ENAH: variants seen among roughly 807,000 people sequenced by gnomAD.
The protein encoded by ENAH is ENAH actin regulator, also known as protein enabled homolog.
In ENAH, 23 loss-of-function variants were observed where a neutral mutation model predicts 78.7. The observed-to-expected ratio is 0.29, with a 90% CI of 0.21 to 0.41. The LOEUF is 0.41. Among genes scored for constraint, ENAH ranks in the 10% least tolerant of loss-of-function variants. ENAH has a pLI of 1.00. For synonymous variants in ENAH, 226 were observed against 241.0 expected (o/e 0.94, Z 0.58); for missense variants, 544 against 691.0 (o/e 0.79, Z 2.39).
intron 1 of ENAH, among the ~76,000 whole-genome samples, chr1:225,647,021 T>C (rs899873188): frequency 2.0e-5 from 3 of 151,430 alleles, no homozygotes; most frequent in Admixed American, 6.6e-5. Context: ...GGTCAGGAGA[T>C]CAAGACCATC....
rs1274257146 is a variant in ENAH, at chr1:225,495,465, T to TTG, written c.*2309_*2310insCA. On this transcript the variant is annotated 3_prime_UTR_variant, in exon 14 of 14. Coordinates refer to ENST00000366843, the MANE Select transcript of ENAH (RefSeq NM_018212.6). ...GCATGATTCAACACTGGTTTTTTTT[T>TTG]TTTTTTTTTTTTGTCAGTTTACACA... The TTG allele has an allele frequency of 1.2e-4, 18 of 150,332 alleles. No individual in the cohort carries two copies. The highest frequency in any genetic ancestry group is 7.8e-4 in the East Asian group (4 of 5,118). The allele number at this position is 150,332 out of a possible 1,614,324, so 9.3% of individuals were successfully genotyped here. A position where few individuals can be genotyped will look rare whatever the true frequency, so the allele number is the denominator to read the frequency against.
intron 1 of ENAH, among the ~76,000 whole-genome samples, chr1:225,600,819 C>A (rs1412350434): frequency 1.3e-5 from 2 of 151,998 alleles, no homozygotes; most frequent in Non-Finnish European, 2.9e-5. Flanking sequence ...CACTGCACTG[C>A]AGCCTGGGAG....
intron 3 of ENAH, chr1:225,535,417 G>C: frequency 1.3e-6 from 1 of 753,120 alleles, no homozygotes; most frequent in East Asian, 6.6e-5. Flanking sequence ...TCACAAACCA[G>C]ACTATGGCCT....
intron 1 of ENAH, among the ~76,000 whole-genome samples, chr1:225,580,682 C>T (rs1224110125): frequency 6.6e-6 from 1 of 152,030 alleles, no homozygotes; most frequent in Non-Finnish European, 1.5e-5. Flanking sequence ...CTTTGGGAGG[C>T]CAAGGTGGGT....
At chr1:225,523,546 T>C (rs1431393640) in intron 4 of ENAH, among the ~76,000 whole-genome samples, 3 of 152,090 alleles carry the variant, frequency 2.0e-5, no homozygotes, top group Non-Finnish European at 1.5e-5. Flanking sequence ...TGCAGGAGAT[T>C]CTTACTATTT....
intron 1 of ENAH, among the ~76,000 whole-genome samples, chr1:225,586,634 A>G (rs1451852200): frequency 6.6e-6 from 1 of 152,206 alleles, no homozygotes; most frequent in Non-Finnish European, 1.5e-5. Context: ...ATCATGACAA[A>G]GTAGGGTTTA....
At chr1:225,526,997 C>T (rs1035394326) in intron 4 of ENAH, among the ~76,000 whole-genome samples, 2 of 152,162 alleles carry the variant, frequency 1.3e-5, no homozygotes, top group African/African-American at 4.8e-5. Flanking sequence ...TCTCTGTCTT[C>T]TCTTGGCCAT....
intron 1 of ENAH, among the ~76,000 whole-genome samples, chr1:225,638,410 C>T (rs966928109): frequency 6.6e-6 from 1 of 152,186 alleles, no homozygotes; most frequent in Non-Finnish European, 1.5e-5. Flanking sequence ...CCACCCACCT[C>T]GGCCTCCCAA....
intron 11 of ENAH, 79 bp from the exon 12 acceptor site, chr1:225,501,149 A>C (rs1038726625): frequency 2.9e-6 from 3 of 1,036,696 alleles, no homozygotes; most frequent in Admixed American, 4.4e-5. Context: ...CAAATTTACC[A>C]ACCCAACACC....
At chr1:225,560,787 C>T (rs576192452) in intron 2 of ENAH, among the ~76,000 whole-genome samples, 1 of 152,290 alleles carries the variant, frequency 6.6e-6, no homozygotes, top group African/African-American at 2.4e-5. Flanking sequence ...AATCAATATC[C>T]CTGCTTGGCA....
At chr1:225,623,869 G>T (rs560351981) in intron 1 of ENAH, among the ~76,000 whole-genome samples, 1 of 152,096 alleles carries the variant, frequency 6.6e-6, no homozygotes, top group Non-Finnish European at 1.5e-5. Context: ...GATTACAGGC[G>T]TAAGCCACCG....
intron 3 of ENAH, among the ~76,000 whole-genome samples, chr1:225,541,207 T>G (rs969574704): frequency 1.3e-5 from 2 of 152,046 alleles, no homozygotes; most frequent in African/African-American, 4.8e-5. Context: ...GGCCAAGGCG[T>G]GCGGATCACG....
At chr1:225,572,736 G>T (rs144276201) in intron 1 of ENAH, among the ~76,000 whole-genome samples, 1 of 152,284 alleles carries the variant, frequency 6.6e-6, no homozygotes, top group African/African-American at 2.4e-5. Context: ...TCAGTGAAGC[G>T]ACTACGCAAA....
In ENAH at chr1:225,514,621, C is replaced by A. The variant is rs145797306; in HGVS notation, c.1193G>T (p.Gly398Val). 6.2e-7 allele frequency: 1 copy of A among 1,611,972 alleles called. No homozygotes were observed. Among genetic ancestry groups the A allele is most frequent in the East Asian group, 2.2e-5 (1 of 44,868 alleles). ...CCGTGACACTTTCCTAAGTTTTGCT[C>A]CGGCAATTGCAGCTGCAAGTCCAGT... is the stretch of plus-strand genomic sequence containing the variant. The part of the protein sequence containing the change: ...PLTGLAAAIA[G>V]AKLRKVSRME... Residue 398 changes from glycine (G) to valine (V), a missense_variant, in exon 7 of 14, where the codon GGA (glycine) becomes GTA (valine). This residue lies in a region of ENAH where 366 missense variants were observed against 396.1 expected (regional missense o/e 0.92). Transcript: ENST00000366843.
chr1:225,639,108 A>G (rs184266481), intron 1 of ENAH, among the ~76,000 whole-genome samples: 141 of 152,324 alleles, frequency 9.3e-4, no homozygotes, highest in Non-Finnish European at 1.7e-3. Context: ...CAAACATTCC[A>G]AAAGATGTAG....
intron 2 of ENAH, among the ~76,000 whole-genome samples, chr1:225,566,945 T>C (rs1168428481): frequency 1.3e-5 from 2 of 152,220 alleles, no homozygotes. Flanking sequence ...GCCACTTAAG[T>C]AGAGTTTTGT....
intron 1 of ENAH, among the ~76,000 whole-genome samples, chr1:225,591,458 A>C (rs999523276): frequency 8.1e-5 from 12 of 148,964 alleles, no homozygotes; most frequent in African/African-American, 2.7e-4. Flanking sequence ...ACAAGAGCGA[A>C]ACTACGTTTA....
intron 1 of ENAH, among the ~76,000 whole-genome samples, chr1:225,607,515 C>G (rs375779295): frequency 2.2e-4 from 20 of 92,466 alleles, no homozygotes; most frequent in South Asian, 6.7e-4. Flanking sequence ...GGGTGGGGGG[C>G]AAAAAAAAAA....
At chr1:225,621,555 G>A (rs970804576) in intron 1 of ENAH, among the ~76,000 whole-genome samples, 3 of 151,834 alleles carry the variant, frequency 2.0e-5, no homozygotes, top group African/African-American at 4.9e-5. Flanking sequence ...GCCTCCCAAA[G>A]TGCTGGGATT....
Sources: allele counts gnomAD v4.1 joint callset (sites outside exome capture counted in the v4.1 genomes callset), GRCh38; gene constraint gnomAD v4.1.1; regional missense constraint gnomAD v4.1.1; transcripts MANE v1.5; gene names NCBI Gene and HGNC (gene_info 2026-07-23, HGNC 2026-07-21).